The following TMED3 variants were observed in gnomAD, a reference collection of about 807,000 sequenced individuals.
The protein encoded by TMED3 is transmembrane emp24 domain-containing protein 3.
A neutral mutation model predicts 15.0 loss-of-function variants in TMED3; 9 were observed. The observed-to-expected ratio is 0.60, with a 90% CI of 0.36 to 1.04. The LOEUF (loss-of-function observed/expected upper bound fraction) is 1.04. TMED3 is among the 50% of genes least tolerant of loss of function. The probability of loss-of-function intolerance (pLI) is 0.01; values close to 1 mark genes in which losing one functional copy is unlikely to be tolerated. For synonymous variants in TMED3, 117 were observed against 121.4 expected, an observed-to-expected ratio of 0.96 and a Z score of 0.24; for missense variants, 267 against 278.9, an observed-to-expected ratio of 0.96 and a Z score of 0.30.
At chr15:79,395,304 C>T (rs59616652) in intron 2 of TMED3, among the ~76,000 whole-genome samples, 2,704 of 152,206 alleles carry the variant, frequency 0.018, 80 homozygotes, top group African/African-American at 0.061. Flanking sequence ...CTCAGCCTCC[C>T]GAGTAGCTGG....
intron 2 of TMED3, among the ~76,000 whole-genome samples, chr15:79,394,131 A>G (rs990393385): frequency 3.3e-5 from 5 of 152,030 alleles, no homozygotes; most frequent in Admixed American, 2.0e-4. Flanking sequence ...GAGGGTCTGC[A>G]TAGTTGGGGA....
chr15:79,329,182 C>T (rs2058798430), intron 2 of TMED3, among the ~76,000 whole-genome samples: 1 of 152,196 alleles, frequency 6.6e-6, no homozygotes, highest in African/African-American at 2.4e-5. Flanking sequence ...CAGGGGTTCC[C>T]TTCCTTCCCT....
chr15:79,371,181 A>T (rs1206239224), intron 2 of TMED3, among the ~76,000 whole-genome samples: 1 of 152,218 alleles, frequency 6.6e-6, no homozygotes, highest in Non-Finnish European at 1.5e-5. Flanking sequence ...GTGTATTCTT[A>T]AAGGAATTGA....
intron 2 of TMED3, among the ~76,000 whole-genome samples, chr15:79,361,723 A>AT (rs112730191): frequency 0.18 from 27,780 of 152,014 alleles, 2,965 homozygotes; most frequent in East Asian, 0.48. Context: ...ATTAAAAAAA[A>AT]AAAAATATTT....
chr15:79,333,592 A>G (rs2058817244), intron 2 of TMED3, among the ~76,000 whole-genome samples: 1 of 152,216 alleles, frequency 6.6e-6, no homozygotes, highest in Non-Finnish European at 1.5e-5. Context: ...TGGCTTCTGC[A>G]CCAGTAACTA....
intron 2 of TMED3, among the ~76,000 whole-genome samples, chr15:79,345,508 A>G (rs2058867348): frequency 6.6e-6 from 1 of 152,174 alleles, no homozygotes; most frequent in South Asian, 2.1e-4. Context: ...ATAGTATTCC[A>G]TGGTTTATAT....
At chr15:79,314,039 C>T (rs751219706) in intron 2 of TMED3, 34 bp downstream of exon 2, 1 of 1,610,048 alleles carries the variant, frequency 6.2e-7, no homozygotes, top group South Asian at 1.1e-5. Context: ...GGCTGCTGAA[C>T]CCCCTAGCGT....
At chr15:79,361,847 G>A in intron 2 of TMED3, among the ~76,000 whole-genome samples, 1 of 152,014 alleles carries the variant, frequency 6.6e-6, no homozygotes, top group East Asian at 1.9e-4. Context: ...AGAGATTTCG[G>A]AATGTGTCCA....
At chr15:79,357,014 C>T (rs555340998) in intron 2 of TMED3, among the ~76,000 whole-genome samples, 1 of 143,898 alleles carries the variant, frequency 6.9e-6, no homozygotes, top group Non-Finnish European at 1.5e-5. Flanking sequence ...TAGTATGAAC[C>T]CATTTAAAAT....
intron 2 of TMED3, among the ~76,000 whole-genome samples, chr15:79,330,161 C>G (rs541075256): frequency 6.6e-6 from 1 of 152,334 alleles, no homozygotes; most frequent in East Asian, 1.9e-4. Context: ...CTCTTAACCA[C>G]TCTTATTCAA....
chr15:79,360,709 A>G (rs911275549), intron 2 of TMED3, among the ~76,000 whole-genome samples: 1 of 152,046 alleles, frequency 6.6e-6, no homozygotes, highest in Admixed American at 6.6e-5. Context: ...CTGGCTGTCC[A>G]CTCTACGTGT....
chr15:79,339,834 G>C (rs1472473145), intron 2 of TMED3, among the ~76,000 whole-genome samples: 1 of 151,170 alleles, frequency 6.6e-6, no homozygotes, highest in African/African-American at 2.4e-5. Context: ...GGTGATGGTG[G>C]TGATGATGGT....
At chr15:79,388,402 C>A (rs556866251) in intron 2 of TMED3, among the ~76,000 whole-genome samples, 1 of 151,340 alleles carries the variant, frequency 6.6e-6, no homozygotes, top group East Asian at 1.9e-4. Context: ...CTCCCTTAAT[C>A]TGTTGACAAG....
At chr15:79,323,101 G>A (rs1411863923), downstream of TMED3, among the ~76,000 whole-genome samples, 3 of 152,104 alleles carry the variant, frequency 2.0e-5, no homozygotes, top group Non-Finnish European at 4.4e-5. Flanking sequence ...ACCTTCTCCC[G>A]GATATCTGCA....
chr15:79,319,455 G>T (rs1037125148), intron 2 of TMED3, among the ~76,000 whole-genome samples: 3 of 152,230 alleles, frequency 2.0e-5, no homozygotes, highest in Admixed American at 2.0e-4. Flanking sequence ...TTTCCTGTTT[G>T]TCTTCTGGAA....
intron 2 of TMED3, among the ~76,000 whole-genome samples, chr15:79,319,533 G>A (rs1017196856): frequency 6.6e-6 from 1 of 152,142 alleles, no homozygotes; most frequent in Non-Finnish European, 1.5e-5. Flanking sequence ...AGGGTGGATG[G>A]GTTTTCTCCC....
intron 2 of TMED3, among the ~76,000 whole-genome samples, chr15:79,361,591 G>C (rs1893128435): frequency 6.6e-6 from 1 of 152,074 alleles, no homozygotes; most frequent in South Asian, 2.1e-4. Flanking sequence ...AGGAATAAAA[G>C]ATTACAAATT....
At chr15:79,332,545 A>G (rs992168682) in intron 2 of TMED3, among the ~76,000 whole-genome samples, 6 of 152,228 alleles carry the variant, frequency 3.9e-5, no homozygotes, top group Non-Finnish European at 7.3e-5. Flanking sequence ...CCCTCCAGCA[A>G]TAGTCCCATA....
intron 2 of TMED3, 92 bp from the exon 3 acceptor site, chr15:79,321,886 C>T: frequency 6.9e-7 from 1 of 1,452,074 alleles, no homozygotes; most frequent in Non-Finnish European, 9.4e-7. Flanking sequence ...CAGTGGATAT[C>T]ACCTAGGATG....
Sources: gnomAD v4.1 joint callset for allele counts (sites outside exome capture counted in the v4.1 genomes callset) on GRCh38, gnomAD v4.1.1 for gene constraint, MANE v1.5 for transcripts, NCBI Gene and HGNC (gene_info 2026-07-23, HGNC 2026-07-21) for gene names.